PPP6R3: variants seen among roughly 807,000 people sequenced by gnomAD.
PPP6R3 encodes serine/threonine-protein phosphatase 6 regulatory subunit 3.
In PPP6R3, 38 loss-of-function variants were observed where a neutral mutation model predicts 110.7. The observed-to-expected ratio is 0.34, with a 90% CI of 0.26 to 0.45. The LOEUF is 0.45. Ranked by LOEUF, PPP6R3 falls within the 20% of genes least tolerant of loss-of-function variation. The pLI, the probability that PPP6R3 is intolerant of heterozygous loss-of-function variation, is 1.00. For missense variants in PPP6R3, 870 were observed against 1,062.4 expected (o/e 0.82, Z 2.52); for synonymous variants, 369 against 373.5 (o/e 0.99, Z 0.14).
intron 19 of PPP6R3, among the ~76,000 whole-genome samples, chr11:68,598,069 C>G (rs988708585): frequency 1.3e-5 from 2 of 152,050 alleles, no homozygotes; most frequent in Non-Finnish European, 2.9e-5. Flanking sequence ...AAACTCTGTA[C>G]CCATTAAACA....
At chr11:68,587,762 C>A (rs1193028339) in intron 15 of PPP6R3, 165 bp from the exon 16 acceptor site, 2 of 713,622 alleles carry the variant, frequency 2.8e-6, no homozygotes, top group Admixed American at 4.4e-5. Context: ...CCTTTTTTGG[C>A]AAATTGTGTC....
intron 1 of PPP6R3, among the ~76,000 whole-genome samples, chr11:68,505,538 G>A (rs1293521800): frequency 6.6e-6 from 1 of 151,656 alleles, no homozygotes; most frequent in Non-Finnish European, 1.5e-5. Context: ...TAGTTTTAAC[G>A]TGAGTCAGAG....
intron 1 of PPP6R3, among the ~76,000 whole-genome samples, chr11:68,507,589 A>G (rs2099085595): frequency 6.6e-6 from 1 of 152,188 alleles, no homozygotes; most frequent in East Asian, 1.9e-4. Context: ...TTATCTTCCC[A>G]TCTCATTACC....
At chr11:68,466,761 TGCCACCAC>T (rs2098750042) in intron 1 of PPP6R3, among the ~76,000 whole-genome samples, 1 of 151,874 alleles carries the variant, frequency 6.6e-6, no homozygotes, top group Admixed American at 6.6e-5. Context: ...TACAGGTGCC[TGCCACCAC>T]GCCCGGCTAA....
At chr11:68,475,473 C>T (rs1213082533) in intron 1 of PPP6R3, among the ~76,000 whole-genome samples, 1 of 152,122 alleles carries the variant, frequency 6.6e-6, no homozygotes, top group Non-Finnish European at 1.5e-5. Flanking sequence ...GGGCTTCTCA[C>T]TTCCCAGAAG....
intron 4 of PPP6R3, among the ~76,000 whole-genome samples, chr11:68,547,403 G>A (rs576710334): frequency 3.4e-4 from 52 of 152,344 alleles, no homozygotes; most frequent in African/African-American, 1.2e-3. Flanking sequence ...ACACAGGGAT[G>A]CATGGGACAG....
At chr11:68,519,241 C>T (rs1342911804) in intron 1 of PPP6R3, among the ~76,000 whole-genome samples, 1 of 152,170 alleles carries the variant, frequency 6.6e-6, no homozygotes, top group Non-Finnish European at 1.5e-5. Flanking sequence ...TTCTTCTTCA[C>T]TCATTGATAG....
At chr11:68,465,633 ACAT>A (rs1378873793) in intron 1 of PPP6R3, among the ~76,000 whole-genome samples, 2 of 152,234 alleles carry the variant, frequency 1.3e-5, no homozygotes, top group Non-Finnish European at 2.9e-5. Context: ...ATCAGCAAAT[ACAT>A]TAATTGAGTC....
intron 1 of PPP6R3, among the ~76,000 whole-genome samples, chr11:68,491,047 G>A (rs180794009): frequency 3.2e-4 from 49 of 152,144 alleles, no homozygotes; most frequent in Non-Finnish European, 4.6e-4. Flanking sequence ...TTAGCTGGGC[G>A]TGGTGGCACA....
intron 8 of PPP6R3, among the ~76,000 whole-genome samples, chr11:68,559,353 G>T (rs889536271): frequency 6.6e-6 from 1 of 152,220 alleles, no homozygotes; most frequent in Non-Finnish European, 1.5e-5. Context: ...CATTATCAGA[G>T]TTTTCTAACT....
At chr11:68,506,983 GGTA>G (rs1436955771) in intron 1 of PPP6R3, among the ~76,000 whole-genome samples, 1 of 152,182 alleles carries the variant, frequency 6.6e-6, no homozygotes, top group African/African-American at 2.4e-5. Flanking sequence ...AACAGGCAGA[GGTA>G]GTTCTTTGGG....
chr11:68,551,647 C>G (rs556510442), intron 6 of PPP6R3, among the ~76,000 whole-genome samples: 6 of 152,298 alleles, frequency 3.9e-5, no homozygotes, highest in African/African-American at 1.4e-4. Flanking sequence ...CGCCACCACC[C>G]TGGCTAATTT....
chr11:68,474,449 A>G (rs1345449120), intron 1 of PPP6R3, among the ~76,000 whole-genome samples: 1 of 151,832 alleles, frequency 6.6e-6, no homozygotes, highest in Non-Finnish European at 1.5e-5. Context: ...GAAATGCTGT[A>G]TTTTTCCTGT....
chr11:68,477,741 A>ATATATATATATATATATAT (rs1555021448), intron 1 of PPP6R3, among the ~76,000 whole-genome samples: 14 of 57,896 alleles, frequency 2.4e-4, no homozygotes, highest in African/African-American at 5.0e-4. Flanking sequence ...AAAAAAAAAA[A>ATATATATATATATATATAT]ATATATATAT....
At chr11:68,565,254 C>A (rs139927915) in intron 9 of PPP6R3, among the ~76,000 whole-genome samples, 1 of 151,842 alleles carries the variant, frequency 6.6e-6, no homozygotes, top group East Asian at 2.0e-4. Context: ...CTTATATAAC[C>A]AAGGGAGTCT....
At chr11:68,591,152 T>G (rs1371052748) in intron 17 of PPP6R3, among the ~76,000 whole-genome samples, 1 of 151,948 alleles carries the variant, frequency 6.6e-6, no homozygotes, top group Non-Finnish European at 1.5e-5. Flanking sequence ...GAGAGACCAC[T>G]GGCTTATTTG....
At chr11:68,606,659 A>G (rs1379902650) in intron 22 of PPP6R3, among the ~76,000 whole-genome samples, 3 of 152,194 alleles carry the variant, frequency 2.0e-5, no homozygotes, top group Admixed American at 6.5e-5. Context: ...CAATACCAAA[A>G]TGCTACAGCA....
intron 14 of PPP6R3, 41 bp downstream of exon 14, chr11:68,576,084 T>C: frequency 7.1e-7 from 1 of 1,409,946 alleles, no homozygotes; most frequent in Non-Finnish European, 9.9e-7. Flanking sequence ...TTCAGTGCTC[T>C]TAGCCTTTGC....
At position 68,558,632 on chromosome 11, in the gene PPP6R3, C is replaced by T. The variant is rs2099408034; in HGVS notation, c.798C>T (p.Val266=). 1 of 1,613,316 alleles carries T rather than the reference C, an allele frequency of 6.2e-7. No individual in the cohort carries two copies. The highest frequency in any genetic ancestry group is 8.5e-7 in the Non-Finnish European group (1 of 1,179,718). Residue 266 remains valine (V), a synonymous_variant, in exon 8 of 24, where the codon GTC becomes GTT. Coordinates refer to ENST00000393800, the MANE Select transcript of PPP6R3 (RefSeq NM_001164161.2). Reference sequence around the variant, plus strand: ...AGGAGAAAAATGAGTCAGCCATAGTCAGTGCAATCCAGATATTGCTGACTT... The same window carrying T: ...AGGAGAAAAATGAGTCAGCCATAGTTAGTGCAATCCAGATATTGCTGACTT... The part of the protein sequence containing the change: ...FHKEKNESAI[V]SAIQILLTLL...
Sources: gnomAD v4.1 joint callset for allele counts (sites outside exome capture counted in the v4.1 genomes callset) on GRCh38, gnomAD v4.1.1 for gene constraint, MANE v1.5 for transcripts, NCBI Gene and HGNC (gene_info 2026-07-23, HGNC 2026-07-21) for gene names.